The following NOX3 variants were observed in gnomAD, a reference collection of about 807,000 sequenced individuals.
The protein encoded by NOX3 is NADPH oxidase 3, also known as NADPH oxidase catalytic subunit-like 3.
NOX3 carries 74 observed loss-of-function variants against 76.7 expected under a neutral mutation model. That is an observed-to-expected ratio of 0.96 (90% CI 0.80 to 1.17). The LOEUF (loss-of-function observed/expected upper bound fraction) is 1.17. Ranked by LOEUF, NOX3 falls within the 50% of genes most tolerant of loss-of-function variation. The probability of loss-of-function intolerance (pLI) is 0.00; values close to 1 mark genes in which losing one functional copy is unlikely to be tolerated. For missense variants in NOX3, 695 were observed against 703.3 expected, an observed-to-expected ratio of 0.99 and a Z score of 0.13; for synonymous variants, 263 against 261.1, an observed-to-expected ratio of 1.01 and a Z score of -0.07.
At chr6:155,431,274 C>T (rs776369425) in intron 7 of NOX3, among the ~76,000 whole-genome samples, 1 of 151,962 alleles carries the variant, frequency 6.6e-6, no homozygotes, top group Non-Finnish European at 1.5e-5. Context: ...GTCGTAAATG[C>T]TCCCAAACTC....
intron 6 of NOX3, among the ~76,000 whole-genome samples, chr6:155,439,512 AC>A (rs1248472769): frequency 1.3e-5 from 2 of 152,136 alleles, no homozygotes; most frequent in African/African-American, 4.8e-5. Context: ...CTGCTTCTGG[AC>A]CCCACACCAG....
At chr6:155,455,258 A>G (rs1400572837) in intron 1 of NOX3, 129 bp from the exon 2 acceptor site, 1 of 614,112 alleles carries the variant, frequency 1.6e-6, no homozygotes, top group African/African-American at 1.9e-5. Flanking sequence ...TACTCCACAT[A>G]TTTATTTCTC....
chr6:155,437,726 A>G (rs371891353), intron 6 of NOX3, among the ~76,000 whole-genome samples: 1 of 152,260 alleles, frequency 6.6e-6, no homozygotes, highest in African/African-American at 2.4e-5. Flanking sequence ...CATAGTGTCT[A>G]AAAGAAGCCT....
rs1198930693 is a variant in NOX3, at chr6:155,428,762, G to A, written c.1145+32C>T. 5 of 1,462,350 alleles carry A rather than the reference G, an allele frequency of 3.4e-6. 1 individual carries two copies. The Admixed American group carries it at 7.2e-5, about 21-fold the overall frequency. The allele number at this position is 1,462,350 out of a possible 1,614,324, so 90.6% of individuals were successfully genotyped here. A position where few individuals can be genotyped will look rare whatever the true frequency, so the allele number is the denominator to read the frequency against. On this transcript the variant is annotated intron_variant, in intron 9 of 13. Transcript: ENST00000159060. ...AAGATACCTTACTTTTTATAATACT[G>A]CAATTTATACATGAGAGAAATGGGC...
At chr6:155,446,093 G>C (rs566968676) in intron 4 of NOX3, among the ~76,000 whole-genome samples, 1 of 150,858 alleles carries the variant, frequency 6.6e-6, no homozygotes, top group East Asian at 1.9e-4. Context: ...CAAAGCACTC[G>C]ATAGTGTTTC....
chr6:155,421,569 G>A (rs754621903), intron 10 of NOX3, among the ~76,000 whole-genome samples: 3 of 152,136 alleles, frequency 2.0e-5, no homozygotes, highest in African/African-American at 4.8e-5. Context: ...TCTTTTCTGC[G>A]GAACTTTTTT....
chr6:155,427,028 T>C (rs58597434), intron 9 of NOX3, among the ~76,000 whole-genome samples: 2,836 of 121,766 alleles, frequency 0.023, 151 homozygotes, highest in African/African-American at 0.068. Context: ...TGTGTGTGTG[T>C]GCTGGGGGGG....
At chr6:155,417,885 C>G (rs911779226) in intron 10 of NOX3, among the ~76,000 whole-genome samples, 1 of 152,032 alleles carries the variant, frequency 6.6e-6, no homozygotes, top group Admixed American at 6.5e-5. Context: ...AGGTTAAGAA[C>G]CCAAAGGCCA....
At chr6:155,431,007 A>G in intron 7 of NOX3, 72 bp from the exon 8 acceptor site, 1 of 970,370 alleles carries the variant, frequency 1.0e-6, no homozygotes, top group Non-Finnish European at 1.6e-6. Flanking sequence ...ATTTGAACCA[A>G]ATCAATATAC....
At position 155,405,516 on chromosome 6, in the gene NOX3, G is replaced by T. The variant is rs928516392; in HGVS notation, c.1580+1614C>A. 2.0e-5 allele frequency among the ~76,000 whole-genome samples: 3 copies of T among 152,108 alleles called. No individual in the cohort carries two copies. The East Asian group carries it at 5.8e-4, about 29-fold the overall frequency. ...GGCTGAAATTCTCCCCTGAACGTTTGCTTCTTATATTCATCTGCCCACTCC... is the reference window on the plus strand; with the variant it reads ...GGCTGAAATTCTCCCCTGAACGTTTTCTTCTTATATTCATCTGCCCACTCC... On this transcript the variant is annotated intron_variant, in intron 12 of 13. Coordinates refer to ENST00000159060, the MANE Select transcript of NOX3 (RefSeq NM_015718.3).
At chr6:155,424,065 C>A (rs553542136) in intron 9 of NOX3, among the ~76,000 whole-genome samples, 96 of 152,254 alleles carry the variant, frequency 6.3e-4, no homozygotes, top group Middle Eastern at 3.4e-3. Context: ...TTCCCTCTCT[C>A]CTTAGTTGGT....
At chr6:155,407,082 T>C in intron 12 of NOX3, 48 bp downstream of exon 12, 1 of 1,610,620 alleles carries the variant, frequency 6.2e-7, no homozygotes. Context: ...GCCCTTGCAT[T>C]TCTCCAGAGA....
intron 12 of NOX3, 100 bp from the exon 13 acceptor site, chr6:155,397,062 C>T (rs1779149010): frequency 8.6e-7 from 1 of 1,158,452 alleles, no homozygotes. Flanking sequence ...TGTGGCTTTA[C>T]TTATTTATTT....
chr6:155,440,939 T>C (rs1776977193), intron 5 of NOX3, among the ~76,000 whole-genome samples: 2 of 152,170 alleles, frequency 1.3e-5, no homozygotes, highest in Non-Finnish European at 2.9e-5. Flanking sequence ...TGCTTTTTAA[T>C]TGGAAAGACC....
rs1776902453 is a variant in NOX3 at position 155,436,308 on chromosome 6, G to T, written c.798+110C>A. ...TCTCCATTAGCACACTTAATAAAGAGTTGGCTTTGTCTAGTGGTGAAATGT... is the reference window on the plus strand; with the variant it reads ...TCTCCATTAGCACACTTAATAAAGATTTGGCTTTGTCTAGTGGTGAAATGT... On this transcript the variant is annotated intron_variant, in intron 7 of 13. Coordinates refer to ENST00000159060, the MANE Select transcript of NOX3 (RefSeq NM_015718.3). 6.5e-6 allele frequency: 8 copies of T among 1,234,504 alleles called. No homozygotes were observed. In the Admixed American group the frequency reaches 1.6e-4, roughly 24 times the overall value. The allele number at this position is 1,234,504 out of a possible 1,614,324, so 76.5% of individuals were successfully genotyped here.
intron 6 of NOX3, 103 bp downstream of exon 6, chr6:155,439,853 C>A: frequency 9.9e-7 from 1 of 1,007,536 alleles, no homozygotes; most frequent in Non-Finnish European, 1.4e-6. Context: ...TATACGAGTC[C>A]TGTAGTCACC....
At chr6:155,443,542 T>C (rs987175963) in intron 4 of NOX3, 124 bp from the exon 5 acceptor site, 8 of 1,176,692 alleles carry the variant, frequency 6.8e-6, no homozygotes, top group Non-Finnish European at 9.4e-6. Flanking sequence ...CAAGGAAAAG[T>C]GATGTATTTA....
At chr6:155,407,695 T>C (rs778681343) in intron 11 of NOX3, among the ~76,000 whole-genome samples, 1 of 152,204 alleles carries the variant, frequency 6.6e-6, no homozygotes, top group Non-Finnish European at 1.5e-5. Context: ...TAAAGTGGTA[T>C]GAAATGTCTG....
At chr6:155,451,357 G>T (rs995462458) in intron 4 of NOX3, among the ~76,000 whole-genome samples, 2 of 152,020 alleles carry the variant, frequency 1.3e-5, no homozygotes, top group African/African-American at 2.4e-5. Flanking sequence ...TCAGTAGCAG[G>T]GGTATAAAAT....
Sources: gnomAD v4.1 joint callset for allele counts (sites outside exome capture counted in the v4.1 genomes callset) on GRCh38, gnomAD v4.1.1 for gene constraint, MANE v1.5 for transcripts, NCBI Gene and HGNC (gene_info 2026-07-23, HGNC 2026-07-21) for gene names.